Variants in DNAH8 observed in about 807,000 individuals in gnomAD.
DNAH8 encodes dynein axonemal heavy chain 8.
In DNAH8, 382 loss-of-function variants were observed where a neutral mutation model predicts 562.1. The observed-to-expected ratio is 0.68, with a 90% confidence interval of 0.63 to 0.74. The LOEUF (loss-of-function observed/expected upper bound fraction) is 0.74, where lower values mean the gene tolerates loss of function less well. DNAH8 is among the 30% of genes least tolerant of loss of function. The pLI is 0.00. For missense variants in DNAH8, 5,203 were observed against 5,620.4 expected (o/e 0.93, Z 2.37); for synonymous variants, 1,881 against 1,919.4 (o/e 0.98, Z 0.52).
chr6:38,782,264 A>G (rs1158208901), intron 16 of DNAH8, among the ~76,000 whole-genome samples: 2 of 134,992 alleles, frequency 1.5e-5, no homozygotes, highest in African/African-American at 5.7e-5. Flanking sequence ...AAGAAATTTT[A>G]TTTATTTTTT....
At chr6:38,757,924 C>G (rs543592338) in intron 10 of DNAH8, among the ~76,000 whole-genome samples, 4 of 152,116 alleles carry the variant, frequency 2.6e-5, no homozygotes, top group African/African-American at 9.7e-5. Context: ...GTTACTGTAG[C>G]CTTGTAGTAT....
At chr6:38,812,126 C>T (rs573966534) in intron 24 of DNAH8, among the ~76,000 whole-genome samples, 14 of 152,164 alleles carry the variant, frequency 9.2e-5, no homozygotes, top group South Asian at 4.1e-4. Context: ...TGAGGCTGGC[C>T]GAGGCCCCAT....
chr6:38,777,196 G>A (rs1768154200), intron 13 of DNAH8, among the ~76,000 whole-genome samples: 1 of 152,012 alleles, frequency 6.6e-6, no homozygotes. Flanking sequence ...TTAGTGTTTG[G>A]CTGGTTAGGT....
chr6:38,894,919 T>A (rs1197056547), intron 59 of DNAH8, 55 bp downstream of exon 59: 3 of 1,494,528 alleles, frequency 2.0e-6, no homozygotes, highest in Non-Finnish European at 2.7e-6. Context: ...TTATACTACT[T>A]GGTTAATTTT....
intron 91 of DNAH8, among the ~76,000 whole-genome samples, chr6:39,026,073 G>A (rs941572064): frequency 6.6e-6 from 1 of 152,064 alleles, no homozygotes; most frequent in Non-Finnish European, 1.5e-5. Context: ...TTCTATTTTG[G>A]CATTATGCCT....
chr6:38,908,340 T>C (rs1780635270), intron 64 of DNAH8, among the ~76,000 whole-genome samples: 1 of 152,208 alleles, frequency 6.6e-6, no homozygotes, highest in Non-Finnish European at 1.5e-5. Flanking sequence ...ACCTGCAATT[T>C]TCATTAATTA....
At chr6:38,937,176 G>A (rs950862664) in intron 77 of DNAH8, among the ~76,000 whole-genome samples, 11 of 151,628 alleles carry the variant, frequency 7.3e-5, no homozygotes, top group Non-Finnish European at 1.2e-4. Context: ...GACACAGGGA[G>A]GGGAACATCA....
At chr6:38,722,581 G>C (rs111396453) in intron 1 of DNAH8, among the ~76,000 whole-genome samples, 195 bp from the exon 2 acceptor site, 1 of 150,854 alleles carries the variant, frequency 6.6e-6, no homozygotes, top group Non-Finnish European at 1.5e-5. Context: ...CAGGTGGGTG[G>C]GGGTGTGTGT....
At chr6:39,016,505 C>T (rs571121804) in intron 91 of DNAH8, among the ~76,000 whole-genome samples, 2 of 149,950 alleles carry the variant, frequency 1.3e-5, no homozygotes, top group African/African-American at 4.9e-5. Flanking sequence ...GGGCCGAGAT[C>T]GCGCCACTGC....
intron 11 of DNAH8, among the ~76,000 whole-genome samples, chr6:38,768,614 G>A (rs956486981): frequency 2.6e-5 from 4 of 151,776 alleles, no homozygotes; most frequent in Admixed American, 6.6e-5. Flanking sequence ...TTCTTCTTGA[G>A]TCAGTTTTAG....
rs146195264 is a variant in DNAH8, at chr6:38,862,421, T to C, written c.6273T>C (p.Asp2091=). ...ATGTGGTCGTGTTCAATTGCTCAGATCAAATGGATTTCAGAGGCCTAGGAA... is the reference window on the plus strand; with the variant it reads ...ATGTGGTCGTGTTCAATTGCTCAGACCAAATGGATTTCAGAGGCCTAGGAA... ...GKYVVVFNCS[D]QMDFRGLGRI... The change falls in exon 44 of 93, where the codon GAT becomes GAC. Residue 2091 remains aspartate, a synonymous_variant. Coordinates refer to ENST00000327475, the MANE Select transcript of DNAH8 (RefSeq NM_001206927.2). 26 of 1,613,828 alleles carry C rather than the reference T, an allele frequency of 1.6e-5. No individual in the cohort carries two copies. The African/African-American group carries it at 3.3e-4, about 21-fold the overall frequency.
intron 32 of DNAH8, among the ~76,000 whole-genome samples, chr6:38,836,217 G>A (rs866954150): frequency 6.6e-6 from 1 of 152,058 alleles, no homozygotes; most frequent in Non-Finnish European, 1.5e-5. Flanking sequence ...GAAAATTTAG[G>A]GCATGTGATG....
intron 35 of DNAH8, 89 bp downstream of exon 35, chr6:38,842,992 G>A: frequency 1.4e-6 from 2 of 1,435,650 alleles, no homozygotes; most frequent in Non-Finnish European, 1.9e-6. Flanking sequence ...TTTATGAGAG[G>A]TTGGACTAAT....
chr6:38,923,525 G>A (rs1781878319), intron 72 of DNAH8: 1 of 186,084 alleles, frequency 5.4e-6, no homozygotes, highest in South Asian at 1.6e-4. Context: ...TGTTGTAAAT[G>A]CAAGGCTGTC....
At chr6:38,715,954 ATATATAT>A (rs1419986411) in intron 1 of DNAH8, among the ~76,000 whole-genome samples, 644 of 37,460 alleles carry the variant, frequency 0.017, 2 homozygotes, top group South Asian at 0.047. Flanking sequence ...ATATATATAT[ATATATAT>A]TTTTTTTTTT....
chr6:39,016,425 C>A (rs1350508137), intron 91 of DNAH8, among the ~76,000 whole-genome samples: 1 of 151,916 alleles, frequency 6.6e-6, no homozygotes, highest in Non-Finnish European at 1.5e-5. Flanking sequence ...GTGGTGGGTG[C>A]CTGTAGTCCC....
At chr6:38,770,624 T>A in intron 12 of DNAH8, 65 bp downstream of exon 12, 1 of 1,403,854 alleles carries the variant, frequency 7.1e-7, no homozygotes. Context: ...TTGTACTTTA[T>A]GTAGTGCCAT....
chr6:38,737,400 GA>G, intron 6 of DNAH8, 144 bp downstream of exon 6: 1 of 463,134 alleles, frequency 2.2e-6, no homozygotes. Context: ...GAAATCATTA[GA>G]ACTCATTTTT....
At chr6:38,880,159 A>T (rs1778360025) in intron 53 of DNAH8, among the ~76,000 whole-genome samples, 1 of 152,196 alleles carries the variant, frequency 6.6e-6, no homozygotes, top group Admixed American at 6.5e-5. Flanking sequence ...AGGCATGAGA[A>T]TAGCTTGAAT....
Sources: gnomAD v4.1 joint callset for allele counts (sites outside exome capture counted in the v4.1 genomes callset) on GRCh38, gnomAD v4.1.1 for gene constraint, MANE v1.5 for transcripts, NCBI Gene and HGNC (gene_info 2026-07-23, HGNC 2026-07-21) for gene names.